The following MAPT variants were observed in gnomAD, a reference collection of about 807,000 sequenced individuals.
MAPT encodes microtubule associated protein tau.
Under a neutral mutation model 67.9 loss-of-function variants are expected in MAPT, and 34 were observed. That is an observed-to-expected ratio of 0.50 (90% CI 0.38 to 0.67). MAPT has a LOEUF of 0.67. Ranked by LOEUF, MAPT falls within the 30% of genes least tolerant of loss-of-function variation. The pLI is 0.00. For missense variants in MAPT, 881 were observed against 1,115.2 expected, an observed-to-expected ratio of 0.79 and a Z score of 2.99; for synonymous variants, 456 against 464.5, an observed-to-expected ratio of 0.98 and a Z score of 0.23.
chr17:45,960,359 T>C (rs2070249862), intron 1 of MAPT, among the ~76,000 whole-genome samples: 2 of 152,178 alleles, frequency 1.3e-5, no homozygotes, highest in African/African-American at 4.8e-5. Context: ...TTGGGCTCAC[T>C]CCCTACTGAG....
chr17:46,007,835 G>C (rs1029362083), intron 9 of MAPT, among the ~76,000 whole-genome samples: 3 of 152,104 alleles, frequency 2.0e-5, no homozygotes, highest in African/African-American at 7.2e-5. Flanking sequence ...CTAGGACTCT[G>C]TGTTATGAAA....
intron 6 of MAPT, among the ~76,000 whole-genome samples, chr17:45,988,886 A>G (rs2073823630): frequency 6.6e-6 from 1 of 151,930 alleles, no homozygotes; most frequent in Middle Eastern, 3.2e-3. Flanking sequence ...CCCTGTCTCT[A>G]AAACAAACAA....
At chr17:46,003,902 G>A (rs73317026) in intron 9 of MAPT, among the ~76,000 whole-genome samples, 17,796 of 152,222 alleles carry the variant, frequency 0.12, 1,111 homozygotes, top group Middle Eastern at 0.32. Flanking sequence ...ACTGTTTAAA[G>A]GACAGTGTAA....
chr17:45,924,784 T>C (rs2066115994), intron 1 of MAPT, among the ~76,000 whole-genome samples: 1 of 152,214 alleles, frequency 6.6e-6, no homozygotes, highest in Non-Finnish European at 1.5e-5. Context: ...GACACTGCCC[T>C]CATGTCTAGC....
intron 1 of MAPT, among the ~76,000 whole-genome samples, chr17:45,955,803 T>C (rs113277432): frequency 0.14 from 21,679 of 151,854 alleles, 2,105 homozygotes; most frequent in Non-Finnish European, 0.22. Context: ...TGGTGCAATC[T>C]CAGCTCACTG....
At chr17:45,901,097 G>A (rs950085909) in intron 1 of MAPT, among the ~76,000 whole-genome samples, 1 of 152,230 alleles carries the variant, frequency 6.6e-6, no homozygotes, top group Non-Finnish European at 1.5e-5. Context: ...AAACTGGGCA[G>A]AAGTGGATCC....
chr17:46,012,361 G>A (rs733969), intron 10 of MAPT, among the ~76,000 whole-genome samples: 21,732 of 151,772 alleles, frequency 0.14, 2,089 homozygotes, highest in Non-Finnish European at 0.22. Context: ...CGCTGTGCTC[G>A]TCTGCGGGCT....
chr17:45,910,575 C>G (rs905686057), intron 1 of MAPT, among the ~76,000 whole-genome samples: 1 of 149,102 alleles, frequency 6.7e-6, no homozygotes, highest in Non-Finnish European at 1.5e-5. Flanking sequence ...AGTGTTTTTG[C>G]TTTTGTTTTG....
At chr17:45,952,892 A>T (rs1353018516) in intron 1 of MAPT, among the ~76,000 whole-genome samples, 1 of 147,162 alleles carries the variant, frequency 6.8e-6, no homozygotes, top group East Asian at 1.9e-4. Context: ...GTCCAGGATG[A>T]AGGAAGGGCA....
At chr17:45,917,267 G>A (rs1027128721) in intron 1 of MAPT, among the ~76,000 whole-genome samples, 2 of 152,200 alleles carry the variant, frequency 1.3e-5, no homozygotes, top group African/African-American at 4.8e-5. Context: ...GCATCTGCCT[G>A]TGCTGAGTAA....
intron 9 of MAPT, among the ~76,000 whole-genome samples, chr17:46,008,295 G>C (rs1216022089): frequency 6.6e-6 from 1 of 152,082 alleles, no homozygotes; most frequent in Non-Finnish European, 1.5e-5. Flanking sequence ...TCACCACGTT[G>C]GCCAGGCTGC....
intron 1 of MAPT, among the ~76,000 whole-genome samples, chr17:45,899,106 G>C (rs1472077170): frequency 6.6e-6 from 1 of 152,214 alleles, no homozygotes; most frequent in Non-Finnish European, 1.5e-5. Flanking sequence ...GCAGCAGGGA[G>C]AGGAGTCCTC....
rs907186099 is a variant in MAPT, at chr17:45,995,694, C to T, written c.1733-705C>T. On this transcript the variant is annotated intron_variant, in intron 8 of 12. Coordinates refer to ENST00000262410, the MANE Select transcript of MAPT (RefSeq NM_001377265.1). The surrounding 1 kb of genome is among the most constrained non-coding windows in gnomAD (Gnocchi z 4.3). ...TATGCATGGCAGGTGGGGAACTGTA[C>T]GTCAGGGCACAGCAGCATGAAGCGG... Among the ~76,000 whole-genome samples the T allele has an allele frequency of 2.0e-5, 3 of 152,116 alleles. No homozygotes were observed. Among genetic ancestry groups the T allele is most frequent in the African/African-American group, 7.2e-5 (3 of 41,418 alleles).
At chr17:45,941,850 G>T (rs2068028975) in intron 1 of MAPT, among the ~76,000 whole-genome samples, 1 of 151,664 alleles carries the variant, frequency 6.6e-6, no homozygotes, top group Non-Finnish European at 1.5e-5. Flanking sequence ...ATTGAGAGAG[G>T]CTGCTTTTTC....
In MAPT at chr17:45,983,330, G is replaced by A. The variant is rs775702635; in HGVS notation, c.751G>A (p.Glu251Lys). ...ATRQPSGTGPEDTEGGRHAPE... is the reference protein window; with the variant it reads ...ATRQPSGTGPKDTEGGRHAPE... The stretch of plus-strand genomic sequence containing the variant: ...ACGCCAACCTTCGGGGACAGGACCT[G>A]AGGACACAGAGGGCGGCCGCCACGC... Residue 251 changes from glutamate (E) to lysine (K), a missense_variant, in exon 5 of 13, where the codon GAG becomes AAG. Glu to Lys is a moderately conservative substitution (Grantham distance 56). Around this residue, in one of 6 missense-constraint regions of MAPT, gnomAD observed 687 missense variants for 766.1 expected, o/e 0.90. Coordinates refer to ENST00000262410, the MANE Select transcript of MAPT (RefSeq NM_001377265.1). 1.9e-6 allele frequency: 3 copies of A among 1,602,076 alleles called. No individual in the cohort carries two copies. The highest frequency in any genetic ancestry group is 2.6e-6 in the Non-Finnish European group (3 of 1,174,922).
At chr17:45,946,311 A>C (rs2068470843) in intron 1 of MAPT, among the ~76,000 whole-genome samples, 1 of 151,984 alleles carries the variant, frequency 6.6e-6, no homozygotes, top group Non-Finnish European at 1.5e-5. Context: ...CTGATCAAAA[A>C]CAGTATTGGG....
At chr17:45,974,159 G>A (rs1039454660) in intron 3 of MAPT, 1 of 581,950 alleles carries the variant, frequency 1.7e-6, no homozygotes, top group Admixed American at 2.9e-5. Context: ...TTTCCTGGTG[G>A]ATGAGCTGGG....
At chr17:45,931,194 T>C (rs564888445) in intron 1 of MAPT, among the ~76,000 whole-genome samples, 1 of 152,302 alleles carries the variant, frequency 6.6e-6, no homozygotes, top group East Asian at 1.9e-4. Flanking sequence ...TGCCATGTTA[T>C]GGAACAGTGG....
chr17:45,919,766 A>C (rs926491322), intron 1 of MAPT, among the ~76,000 whole-genome samples: 2 of 152,216 alleles, frequency 1.3e-5, no homozygotes, highest in African/African-American at 2.4e-5. Flanking sequence ...AAATAAAATT[A>C]GCTTTGCAGG....
Sources: gnomAD v4.1 joint callset for allele counts (sites outside exome capture counted in the v4.1 genomes callset) on GRCh38, gnomAD v4.1.1 for gene constraint, gnomAD v4.1.1 regional missense constraint, Gnocchi (gnomAD v3.1) non-coding constraint, MANE v1.5 for transcripts, NCBI Gene and HGNC (gene_info 2026-07-23, HGNC 2026-07-21) for gene names.